Variants in AFF3 observed in about 807,000 individuals in gnomAD.
The protein encoded by AFF3 is ALF transcription elongation factor 3.
A neutral mutation model predicts 129.7 loss-of-function variants in AFF3; 32 were observed. That is an observed-to-expected ratio of 0.25 (90% CI 0.19 to 0.33). The LOEUF (loss-of-function observed/expected upper bound fraction) is 0.33. Among genes scored for constraint, AFF3 ranks in the 10% least tolerant of loss-of-function variants. The probability of loss-of-function intolerance (pLI) is 1.00; values close to 1 mark genes in which losing one functional copy is unlikely to be tolerated. For synonymous variants in AFF3, 644 were observed against 635.4 expected (o/e 1.01, Z -0.20); for missense variants, 1,373 against 1,592.0 (o/e 0.86, Z 2.34).
chr2:100,047,152 G>A (rs567058649), intron 4 of AFF3, among the ~76,000 whole-genome samples: 28 of 152,338 alleles, frequency 1.8e-4, no homozygotes, highest in Admixed American at 5.9e-4. Context: ...CACCCGTGCT[G>A]GATGGCTCGG....
chr2:99,635,197 C>A (rs4500995), intron 13 of AFF3, among the ~76,000 whole-genome samples: 2 of 151,094 alleles, frequency 1.3e-5, no homozygotes, highest in South Asian at 2.1e-4. Context: ...ATATACACAT[C>A]TCTATGTATA....
At chr2:100,015,217 C>T (rs1682912150) in intron 4 of AFF3, among the ~76,000 whole-genome samples, 1 of 152,118 alleles carries the variant, frequency 6.6e-6, no homozygotes. Context: ...CTGATCCCTT[C>T]CTAAGAGCAG....
chr2:99,993,845 G>T (rs1680589775), intron 7 of AFF3, among the ~76,000 whole-genome samples: 1 of 95,386 alleles, frequency 1.0e-5, no homozygotes, highest in African/African-American at 4.1e-5. Flanking sequence ...CAATCTTGTT[G>T]CCCAGGCTGG....
intron 1 of AFF3, among the ~76,000 whole-genome samples, chr2:100,131,055 A>G (rs112501873): frequency 3.0e-3 from 459 of 152,328 alleles, no homozygotes; most frequent in Non-Finnish European, 5.3e-3. Flanking sequence ...CACCATACTT[A>G]AAACAACAAA....
chr2:99,667,984 G>A (rs560697918), intron 12 of AFF3, among the ~76,000 whole-genome samples: 9 of 151,692 alleles, frequency 5.9e-5, no homozygotes, highest in Non-Finnish European at 1.0e-4. Flanking sequence ...GTGAAACCCC[G>A]TCTCTACTAA....
chr2:99,570,977 T>G (rs1676425583), intron 18 of AFF3, among the ~76,000 whole-genome samples: 1 of 152,224 alleles, frequency 6.6e-6, no homozygotes, highest in South Asian at 2.1e-4. Flanking sequence ...CAGCACTTCT[T>G]GTTTACTACA....
At chr2:100,123,269 C>T (rs956861810) in intron 2 of AFF3, among the ~76,000 whole-genome samples, 1 of 152,074 alleles carries the variant, frequency 6.6e-6, no homozygotes, top group African/African-American at 2.4e-5. Flanking sequence ...TGACTGTAAG[C>T]GAAGTTTAAT....
chr2:99,727,773 G>A (rs1205203163), intron 10 of AFF3, among the ~76,000 whole-genome samples: 1 of 152,096 alleles, frequency 6.6e-6, no homozygotes, highest in Non-Finnish European at 1.5e-5. Context: ...TGTTGGCCAG[G>A]CTGGTCTCGA....
chr2:99,586,233 C>T (rs1203806210), intron 16 of AFF3, among the ~76,000 whole-genome samples: 1 of 152,176 alleles, frequency 6.6e-6, no homozygotes, highest in Non-Finnish European at 1.5e-5. Context: ...GGCTGGCATC[C>T]ACCCTGCAAA....
At chr2:100,133,284 G>A (rs914457627) in intron 1 of AFF3, among the ~76,000 whole-genome samples, 4 of 151,568 alleles carry the variant, frequency 2.6e-5, no homozygotes, top group Non-Finnish European at 5.9e-5. Flanking sequence ...AATAAAATAT[G>A]AGAAGTAAAA....
intron 4 of AFF3, among the ~76,000 whole-genome samples, chr2:100,009,638 A>C (rs921557797): frequency 6.6e-6 from 1 of 152,196 alleles, no homozygotes. Flanking sequence ...GAAGAAAATT[A>C]ATATCTATTC....
At chr2:99,740,617 A>C (rs1290049074) in intron 10 of AFF3, among the ~76,000 whole-genome samples, 3 of 151,910 alleles carry the variant, frequency 2.0e-5, no homozygotes, top group Non-Finnish European at 4.4e-5. Context: ...TCTTCTTTTG[A>C]GAAGTGTCTG....
intron 4 of AFF3, among the ~76,000 whole-genome samples, chr2:100,017,116 T>A (rs1364572968): frequency 6.6e-6 from 1 of 152,026 alleles, no homozygotes; most frequent in Non-Finnish European, 1.5e-5. Flanking sequence ...TGGTTAAAAA[T>A]CTGTTGAGGA....
intron 13 of AFF3, among the ~76,000 whole-genome samples, chr2:99,621,661 T>A (rs1682026647): frequency 6.6e-6 from 1 of 152,174 alleles, no homozygotes; most frequent in African/African-American, 2.4e-5. Context: ...GAGAAAACAG[T>A]GTATGTCAAG....
At chr2:99,869,773 G>T (rs893883080) in intron 7 of AFF3, among the ~76,000 whole-genome samples, 13 of 152,278 alleles carry the variant, frequency 8.5e-5, no homozygotes, top group Admixed American at 2.6e-4. Context: ...TTCTGGGGGA[G>T]ATTCAGGGGG....
At chr2:100,028,987 G>A (rs907808383) in intron 4 of AFF3, among the ~76,000 whole-genome samples, 38 of 152,160 alleles carry the variant, frequency 2.5e-4, no homozygotes, top group African/African-American at 5.5e-4. Flanking sequence ...GCAGCATAAC[G>A]CACAGTAACC....
chr2:100,043,142 C>A (rs768091284), intron 4 of AFF3, among the ~76,000 whole-genome samples: 1 of 151,944 alleles, frequency 6.6e-6, no homozygotes, highest in Non-Finnish European at 1.5e-5. Flanking sequence ...GAAACTGGGA[C>A]GTGAAAATGC....
intron 8 of AFF3, among the ~76,000 whole-genome samples, chr2:99,758,585 C>CA (rs5832882): frequency 0.73 from 75,013 of 103,058 alleles, 27,743 homozygotes; most frequent in East Asian, 0.9. Flanking sequence ...GACTCCATCT[C>CA]AAAAAAAAAA....
chr2:99,914,756 A>C (rs1695348485), intron 7 of AFF3, among the ~76,000 whole-genome samples: 1 of 151,442 alleles, frequency 6.6e-6, no homozygotes, highest in Admixed American at 6.6e-5. Context: ...TCTACTAAAA[A>C]TACAAAAAAA....
Sources: allele counts gnomAD v4.1 joint callset (sites outside exome capture counted in the v4.1 genomes callset), GRCh38; gene constraint gnomAD v4.1.1; transcripts MANE v1.5; gene names NCBI Gene and HGNC (gene_info 2026-07-23, HGNC 2026-07-21).